Variants in CDH13 observed in about 807,000 individuals in gnomAD.
CDH13 encodes cadherin 13, also known as cadherin-13.
In CDH13, 24 loss-of-function variants were observed where a neutral mutation model predicts 63.8. The observed-to-expected ratio is 0.38, with a 90% CI of 0.27 to 0.53. The LOEUF (loss-of-function observed/expected upper bound fraction) is 0.53. Among genes scored for constraint, CDH13 ranks in the 20% least tolerant of loss-of-function variants. CDH13 has a pLI of 0.85. For synonymous variants in CDH13, 503 were observed against 355.3 expected (o/e 1.42, Z -4.67); for missense variants, 1,049 against 903.1 (o/e 1.16, Z -2.07).
At chr16:83,780,505 T>C (rs1915442936) in intron 12 of CDH13, among the ~76,000 whole-genome samples, 1 of 152,226 alleles carries the variant, frequency 6.6e-6, no homozygotes, top group Non-Finnish European at 1.5e-5. Flanking sequence ...ATAACTCCAA[T>C]ATTCTATCTT....
At chr16:83,627,321 G>A (rs950802219) in intron 8 of CDH13, among the ~76,000 whole-genome samples, 2 of 152,082 alleles carry the variant, frequency 1.3e-5, no homozygotes, top group Admixed American at 1.3e-4. Context: ...CCTATTCATG[G>A]ACCTAATACC....
At chr16:82,894,115 G>A (rs921569616) in intron 2 of CDH13, among the ~76,000 whole-genome samples, 7 of 152,118 alleles carry the variant, frequency 4.6e-5, no homozygotes, top group South Asian at 2.1e-4. Flanking sequence ...CCATGCATCC[G>A]TTCCTTCATT....
At position 82,672,999 on chromosome 16, in the gene CDH13, C is replaced by CTTTTTTTTTTTTTTTTTTTT. The variant is rs562942948; in HGVS notation, c.45+45863_45+45882dup. ...GTATGGCTAATTTTTATAAAGTTTT[C>CTTTTTTTTTTTTTTTTTTTT]TTTTTTTTTTTTTTTTTTTTGTAGA... On this transcript the variant is annotated intron_variant, in intron 1 of 13. Coordinates refer to ENST00000567109, the MANE Select transcript of CDH13 (RefSeq NM_001257.5). Among the ~76,000 whole-genome samples the CTTTTTTTTTTTTTTTTTTTT allele has an allele frequency of 2.8e-4, 23 of 81,280 alleles. 3 individuals carry two copies. The highest frequency in any genetic ancestry group is 5.9e-4 in the African/African-American group (11 of 18,640). The allele number at this position is 81,280 out of a possible 152,430, so 53.3% of individuals were successfully genotyped here.
chr16:83,773,464 A>C (rs1238360312), intron 11 of CDH13, among the ~76,000 whole-genome samples: 1 of 152,184 alleles, frequency 6.6e-6, no homozygotes, highest in Non-Finnish European at 1.5e-5. Context: ...GTGTCAGGAG[A>C]GAGAAGTGCT....
chr16:83,068,451 A>G (rs7188285), intron 3 of CDH13, among the ~76,000 whole-genome samples: 146,781 of 152,224 alleles, frequency 0.96, 70,831 homozygotes, highest in East Asian at 1. Flanking sequence ...TTGTGTGATG[A>G]CGTTCAGGGT....
intron 4 of CDH13, among the ~76,000 whole-genome samples, chr16:83,131,918 C>A (rs1051932877): frequency 6.6e-6 from 1 of 152,154 alleles, no homozygotes; most frequent in African/African-American, 2.4e-5. Context: ...AACCACTCAA[C>A]CAGGACTCCG....
intron 5 of CDH13, among the ~76,000 whole-genome samples, chr16:83,311,719 C>A (rs896892414): frequency 1.3e-5 from 2 of 152,156 alleles, no homozygotes; most frequent in African/African-American, 4.8e-5. Flanking sequence ...ATATCCAGAA[C>A]GCTCTTTTCT....
At chr16:82,889,880 A>G (rs2041019200) in intron 2 of CDH13, among the ~76,000 whole-genome samples, 1 of 152,216 alleles carries the variant, frequency 6.6e-6, no homozygotes, top group African/African-American at 2.4e-5. Flanking sequence ...CTATTAAAAG[A>G]GATGCTTGCT....
chr16:83,519,513 G>A (rs1451977719), intron 7 of CDH13, among the ~76,000 whole-genome samples: 1 of 152,176 alleles, frequency 6.6e-6, no homozygotes, highest in Non-Finnish European at 1.5e-5. Context: ...ACTAACAGAG[G>A]AAGAAAATTA....
chr16:83,625,705 G>A (rs1207348414), intron 8 of CDH13, among the ~76,000 whole-genome samples: 2 of 152,196 alleles, frequency 1.3e-5, no homozygotes, highest in Non-Finnish European at 2.9e-5. Flanking sequence ...GTCCCCTGAG[G>A]GAGGGCAGCT....
chr16:83,314,327 TGATTA>T (rs2090061363), intron 5 of CDH13, among the ~76,000 whole-genome samples: 1 of 152,170 alleles, frequency 6.6e-6, no homozygotes, highest in African/African-American at 2.4e-5. Flanking sequence ...GGGTAACAGC[TGATTA>T]GATAAATGTA....
chr16:83,244,902 T>C (rs576869514), intron 5 of CDH13, among the ~76,000 whole-genome samples: 3 of 152,214 alleles, frequency 2.0e-5, no homozygotes, highest in Middle Eastern at 3.4e-3. Flanking sequence ...CCTGATAGGT[T>C]CCAAATCCCT....
chr16:83,131,099 C>T (rs118116881), intron 4 of CDH13, among the ~76,000 whole-genome samples: 1,619 of 150,130 alleles, frequency 0.011, 16 homozygotes, highest in Non-Finnish European at 0.017. Context: ...TTCCGTAATA[C>T]GAGGGAATCA....
chr16:83,053,769 G>A (rs999951640), intron 3 of CDH13, among the ~76,000 whole-genome samples: 10 of 152,136 alleles, frequency 6.6e-5, no homozygotes, highest in African/African-American at 9.7e-5. Context: ...ACAGCAGGCA[G>A]ATATAATAAT....
chr16:82,761,074 A>T (rs2034833204), intron 1 of CDH13, among the ~76,000 whole-genome samples: 1 of 113,660 alleles, frequency 8.8e-6, no homozygotes, highest in Admixed American at 1.3e-4. Flanking sequence ...CCCAGACTGG[A>T]GTGCAGTGGC....
At chr16:82,933,581 C>T (rs751018465) in intron 2 of CDH13, among the ~76,000 whole-genome samples, 2 of 152,142 alleles carry the variant, frequency 1.3e-5, no homozygotes, top group Non-Finnish European at 1.5e-5. Flanking sequence ...TTCCCAAAGT[C>T]GTAACTCATT....
intron 2 of CDH13, among the ~76,000 whole-genome samples, chr16:82,907,485 C>G (rs983287173): frequency 6.6e-6 from 1 of 152,154 alleles, no homozygotes; most frequent in Non-Finnish European, 1.5e-5. Context: ...ATGAAATATC[C>G]AAACTGTCGG....
intron 7 of CDH13, among the ~76,000 whole-genome samples, chr16:83,538,412 C>A (rs1364782161): frequency 6.6e-6 from 1 of 152,138 alleles, no homozygotes; most frequent in Non-Finnish European, 1.5e-5. Flanking sequence ...GACAGACCAA[C>A]AATTTGTTGA....
chr16:83,205,713 C>G (rs956615554), intron 4 of CDH13, among the ~76,000 whole-genome samples: 2 of 151,434 alleles, frequency 1.3e-5, no homozygotes, highest in African/African-American at 4.9e-5. Context: ...CAAGCGATTC[C>G]CCTGCCTCAG....
Sources: gnomAD v4.1 joint callset for allele counts (sites outside exome capture counted in the v4.1 genomes callset) on GRCh38, gnomAD v4.1.1 for gene constraint, MANE v1.5 for transcripts, NCBI Gene and HGNC (gene_info 2026-07-23, HGNC 2026-07-21) for gene names.